COL23A1: variants seen among roughly 807,000 people sequenced by gnomAD.
The protein encoded by COL23A1 is collagen type XXIII alpha 1 chain.
A neutral mutation model predicts 99.3 loss-of-function variants in COL23A1; 97 were observed. That is an observed-to-expected ratio of 0.98 (90% CI 0.83 to 1.16). The LOEUF (loss-of-function observed/expected upper bound fraction) is 1.16. Ranked by LOEUF, COL23A1 falls within the 50% of genes most tolerant of loss-of-function variation. The pLI, the probability that COL23A1 is intolerant of heterozygous loss-of-function variation, is 0.00. For missense variants in COL23A1, 762 were observed against 757.4 expected, an observed-to-expected ratio of 1.01 and a Z score of -0.07; for synonymous variants, 320 against 308.2, an observed-to-expected ratio of 1.04 and a Z score of -0.40.
rs543916 is a variant in COL23A1, at chr5:178,514,455, T to C, written c.361+46227A>G. On this transcript the variant is annotated intron_variant, in intron 2 of 28. Transcript: ENST00000390654. ...TGGGATTGCTGGATCATATGATAGTTCCATTTATCATTTTGTGAGGATCCT... is the reference window on the plus strand; with the variant it reads ...TGGGATTGCTGGATCATATGATAGTCCCATTTATCATTTTGTGAGGATCCT... Among the ~76,000 whole-genome samples, 680 of 152,342 alleles carry C rather than the reference T, an allele frequency of 4.5e-3. 6 individuals are homozygous for C. The highest frequency in any genetic ancestry group is 0.014 in the African/African-American group (575 of 41,582).
In COL23A1 at chr5:178,254,501, T is replaced by A. The variant is rs764800804; in HGVS notation, c.960+448A>T. ...ACCCAGTGCCTCTCTCCACTGGTGGTAAGTCCCAAGTTTACCAGCGACTGG... is the reference window on the plus strand; with the variant it reads ...ACCCAGTGCCTCTCTCCACTGGTGGAAAGTCCCAAGTTTACCAGCGACTGG... On this transcript the variant is annotated intron_variant, in intron 16 of 28. Transcript: ENST00000390654. 7.2e-5 allele frequency among the ~76,000 whole-genome samples: 11 copies of A among 152,278 alleles called. No individual in the cohort carries two copies. The East Asian group carries it at 7.7e-4, about 11-fold the overall frequency.
At chr5:178,373,217 G>A (rs1762894121) in intron 2 of COL23A1, among the ~76,000 whole-genome samples, 1 of 152,174 alleles carries the variant, frequency 6.6e-6, no homozygotes, top group South Asian at 2.1e-4. Flanking sequence ...CCCCCACTGG[G>A]TTTGGTGCCT....
At chr5:178,588,129 G>C (rs1464948679) in intron 1 of COL23A1, among the ~76,000 whole-genome samples, 1 of 151,226 alleles carries the variant, frequency 6.6e-6, no homozygotes, top group East Asian at 1.9e-4. Flanking sequence ...ATCAAGAACA[G>C]AGAGAGAGAG....
intron 2 of COL23A1, among the ~76,000 whole-genome samples, chr5:178,515,487 T>A (rs1381933312): frequency 6.6e-6 from 1 of 152,034 alleles, no homozygotes; most frequent in African/African-American, 2.4e-5. Context: ...GGCCCTCGAG[T>A]GCCTGAAATC....
chr5:178,262,990 G>C (rs932067076), intron 9 of COL23A1, among the ~76,000 whole-genome samples: 1 of 152,092 alleles, frequency 6.6e-6, no homozygotes, highest in African/African-American at 2.4e-5. Flanking sequence ...CTGGGTTGAA[G>C]TTAGGGTTGG....
At chr5:178,523,633 C>T (rs1477577083) in intron 2 of COL23A1, 31 of 152,066 alleles carry the variant, frequency 2.0e-4, no homozygotes, top group Admixed American at 2.0e-3. Context: ...GCTTTCCTGT[C>T]ATTTCCTTTC....
intron 2 of COL23A1, among the ~76,000 whole-genome samples, chr5:178,320,670 C>G (rs73344870): frequency 6.6e-6 from 1 of 152,228 alleles, no homozygotes; most frequent in South Asian, 2.1e-4. Flanking sequence ...TTGCCTCGCA[C>G]CCCAGGGGAC....
Position 178,258,262 on chromosome 5 carries a change from T to TATATATATATATATATACATACAC in COL23A1, c.730-696_730-695insGTGTATGTATATATATATATATAT. On this transcript the variant is annotated intron_variant, in intron 12 of 28. Transcript: ENST00000390654. ...ATATATATATATATATATATATATA[T>TATATATATATATATATACATACAC]ACACATGCAAATCAATTCTAGGCAC... Among the ~76,000 whole-genome samples the TATATATATATATATATACATACAC allele has an allele frequency of 2.9e-5, 3 of 104,066 alleles. 1 individual carries two copies. Among genetic ancestry groups the TATATATATATATATATACATACAC allele is most frequent in the Non-Finnish European group, 6.7e-5 (3 of 44,836 alleles). The allele number at this position is 104,066 out of a possible 152,430, so 68.3% of individuals were successfully genotyped here. A position where few individuals can be genotyped will look rare whatever the true frequency, so the allele number is the denominator to read the frequency against.
In COL23A1 at chr5:178,589,803, C is replaced by T; in HGVS notation, c.294+101G>A. The T allele has an allele frequency of 9.0e-7, 1 of 1,113,468 alleles. No individual in the cohort carries two copies. Among genetic ancestry groups the T allele is most frequent in the Non-Finnish European group, 1.1e-6 (1 of 884,598 alleles). The allele number at this position is 1,113,468 out of a possible 1,614,324, so 69.0% of individuals were successfully genotyped here. On this transcript the variant is annotated intron_variant, in intron 1 of 28. Transcript: ENST00000390654. This position sits in a 1 kb window ranked among gnomAD's most constrained non-coding sequence, Gnocchi z 5.4. ...CGAGCGCACGCAGCCGGCGGGCGAC[C>T]CTCCTCCCAGAGACCTGCACGCTGC...
intron 18 of COL23A1, among the ~76,000 whole-genome samples, 160 bp from the exon 19 acceptor site, chr5:178,249,366 G>C (rs1764889347): frequency 6.6e-6 from 1 of 152,338 alleles, no homozygotes; most frequent in East Asian, 1.9e-4. Flanking sequence ...GGATGCAGTG[G>C]GTGTGGGGCT....
chr5:178,561,828 GCA>G, intron 1 of COL23A1: 1 of 239,426 alleles, frequency 4.2e-6, no homozygotes, highest in South Asian at 5.5e-5. Flanking sequence ...GAGAGAATTT[GCA>G]CAGACGACAA....
intron 2 of COL23A1, chr5:178,351,000 G>C (rs932206901): frequency 1.3e-5 from 2 of 152,302 alleles, no homozygotes; most frequent in Admixed American, 1.3e-4. Context: ...CAGGGCCAGC[G>C]GGGGTGGTCT....
At chr5:178,286,579 C>T (rs572982122) in intron 5 of COL23A1, among the ~76,000 whole-genome samples, 28 of 152,348 alleles carry the variant, frequency 1.8e-4, no homozygotes, top group African/African-American at 6.7e-4. Flanking sequence ...CTTTCCTTTC[C>T]CCAGGCTTCA....
At chr5:178,470,638 G>A (rs758749202) in intron 2 of COL23A1, among the ~76,000 whole-genome samples, 4 of 152,220 alleles carry the variant, frequency 2.6e-5, no homozygotes, top group East Asian at 3.9e-4. Flanking sequence ...GGTCAAAGAC[G>A]AGGCCATGGG....
rs558606809 is a variant in COL23A1, at chr5:178,506,333, TG to T, written c.361+54348del. ...CTGGGTGCCCCACACCACTGCAGCCTGCACACCAGGGCAGCAGCTGGTGCGT... is the reference window on the plus strand; with the variant it reads ...CTGGGTGCCCCACACCACTGCAGCCTCACACCAGGGCAGCAGCTGGTGCGT... On this transcript the variant is annotated intron_variant, in intron 2 of 28. Transcript: ENST00000390654. Among the ~76,000 whole-genome samples the T allele has an allele frequency of 9.2e-5, 14 of 152,332 alleles. 1 individual carries two copies. In the South Asian group the frequency reaches 2.9e-3, roughly 32 times the overall value.
intron 1 of COL23A1, among the ~76,000 whole-genome samples, chr5:178,562,991 T>C (rs1339899424): frequency 6.6e-6 from 1 of 152,140 alleles, no homozygotes; most frequent in East Asian, 1.9e-4. Context: ...TTTACAAACC[T>C]CTTGTAAGAA....
At chr5:178,492,998 T>C (rs1444847085) in intron 2 of COL23A1, among the ~76,000 whole-genome samples, 1 of 152,206 alleles carries the variant, frequency 6.6e-6, no homozygotes. Flanking sequence ...AAGCTGCTCT[T>C]AAGTGTGATC....
At chr5:178,322,421 A>G (rs1015605404) in intron 2 of COL23A1, among the ~76,000 whole-genome samples, 1 of 152,204 alleles carries the variant, frequency 6.6e-6, no homozygotes, top group African/African-American at 2.4e-5. Flanking sequence ...GAGCCGCTGC[A>G]TGTGGCCTCA....
At chr5:178,258,262 T>TATATATATATATATACATAC in intron 12 of COL23A1, among the ~76,000 whole-genome samples, 2 of 104,066 alleles carry the variant, frequency 1.9e-5, no homozygotes, top group East Asian at 5.0e-4. Context: ...TATATATATA[T>TATATATATATATATACATAC]ACACATGCAA....
Sources: allele counts gnomAD v4.1 joint callset (sites outside exome capture counted in the v4.1 genomes callset), GRCh38; gene constraint gnomAD v4.1.1; non-coding constraint Gnocchi (gnomAD v3.1); transcripts MANE v1.5; gene names NCBI Gene and HGNC (gene_info 2026-07-23, HGNC 2026-07-21).